The following DNER variants were observed in gnomAD, a reference collection of about 807,000 sequenced individuals.
DNER encodes delta and Notch-like epidermal growth factor-related receptor.
DNER carries 33 observed loss-of-function variants against 78.2 expected under a neutral mutation model. The observed-to-expected ratio is 0.42, with a 90% CI of 0.32 to 0.56. The LOEUF (loss-of-function observed/expected upper bound fraction) is 0.56, where lower values mean the gene tolerates loss of function less well. DNER is among the 20% of genes least tolerant of loss of function. The pLI, the probability that DNER is intolerant of heterozygous loss-of-function variation, is 0.11. For synonymous variants in DNER, 417 were observed against 384.8 expected, an observed-to-expected ratio of 1.08 and a Z score of -0.98; for missense variants, 918 against 975.3, an observed-to-expected ratio of 0.94 and a Z score of 0.78.
At chr2:229,403,365 AT>A (rs1472636266) in intron 10 of DNER, among the ~76,000 whole-genome samples, 1 of 152,226 alleles carries the variant, frequency 6.6e-6, no homozygotes, top group Non-Finnish European at 1.5e-5. Context: ...GATCAAATAG[AT>A]TTGAAAGATA....
At chr2:229,430,687 A>ATATAT in intron 8 of DNER, among the ~76,000 whole-genome samples, 1 of 144,642 alleles carries the variant, frequency 6.9e-6, no homozygotes, top group South Asian at 2.2e-4. Flanking sequence ...ATACTTAGTA[A>ATATAT]ATATATATAT....
intron 1 of DNER, among the ~76,000 whole-genome samples, chr2:229,664,753 C>A (rs749274743): frequency 6.6e-6 from 1 of 152,094 alleles, no homozygotes; most frequent in Non-Finnish European, 1.5e-5. Context: ...CATTGCTTTC[C>A]TTCAAAAAAG....
chr2:229,429,859 A>T (rs1393696445), intron 8 of DNER, among the ~76,000 whole-genome samples: 1 of 152,134 alleles, frequency 6.6e-6, no homozygotes, highest in African/African-American at 2.4e-5. Context: ...CCATCCCCTG[A>T]GATTAACCTC....
chr2:229,586,642 A>T, intron 3 of DNER: 2 of 982,736 alleles, frequency 2.0e-6, no homozygotes, highest in Non-Finnish European at 2.4e-6. Flanking sequence ...TTTTCTCCTC[A>T]CAGCCCAATG....
intron 11 of DNER, among the ~76,000 whole-genome samples, chr2:229,384,124 C>G (rs1692808203): frequency 1.3e-5 from 2 of 152,188 alleles, no homozygotes; most frequent in South Asian, 4.1e-4. Context: ...AACTGCACAA[C>G]TACATGGAAA....
chr2:229,697,897 T>C (rs1699686332), intron 1 of DNER, among the ~76,000 whole-genome samples: 1 of 152,040 alleles, frequency 6.6e-6, no homozygotes, highest in African/African-American at 2.4e-5. Context: ...CATGTAGAAG[T>C]AGAAGAGCAG....
At chr2:229,441,634 A>G (rs1694236879) in intron 8 of DNER, among the ~76,000 whole-genome samples, 1 of 152,214 alleles carries the variant, frequency 6.6e-6, no homozygotes, top group Non-Finnish European at 1.5e-5. Flanking sequence ...GTCACTCTAC[A>G]TATGTGACAC....
intron 5 of DNER, among the ~76,000 whole-genome samples, chr2:229,546,506 C>T (rs531655434): frequency 2.6e-5 from 4 of 152,298 alleles, no homozygotes; most frequent in South Asian, 2.1e-4. Context: ...GAGGCCAAGG[C>T]GGGGGGATGG....
At chr2:229,603,833 A>T (rs1697880418) in intron 1 of DNER, among the ~76,000 whole-genome samples, 1 of 152,052 alleles carries the variant, frequency 6.6e-6, no homozygotes, top group Non-Finnish European at 1.5e-5. Context: ...TAAAACACCT[A>T]CCATATACAC....
At chr2:229,480,242 C>T (rs555687938) in intron 6 of DNER, among the ~76,000 whole-genome samples, 30 of 152,248 alleles carry the variant, frequency 2.0e-4, no homozygotes, top group African/African-American at 6.0e-4. Context: ...GCATTTTGTC[C>T]GTTTAATTTC....
At position 229,643,679 on chromosome 2, in the gene DNER, T is replaced by C. The variant is rs114256062; in HGVS notation, c.277-51791A>G. ...CTGGTAGAGTTGCCAGGATTAAGTT[T>C]AAATCCGTGGAAAGTGCCTAACAGC... On this transcript the variant is annotated intron_variant, in intron 1 of 12. Transcript: ENST00000341772. Among the ~76,000 whole-genome samples, 459 of 152,326 alleles carry C rather than the reference T, an allele frequency of 3.0e-3. 1 individual carries two copies. The highest frequency in any genetic ancestry group is 5.3e-3 in the Non-Finnish European group (362 of 68,028).
intron 4 of DNER, among the ~76,000 whole-genome samples, chr2:229,564,799 A>G (rs912038591): frequency 3.9e-5 from 6 of 152,174 alleles, no homozygotes; most frequent in African/African-American, 1.4e-4. Flanking sequence ...TGGCTTATTG[A>G]GTTTGGTGGC....
chr2:229,656,139 A>C (rs1335086637), intron 1 of DNER, among the ~76,000 whole-genome samples: 1 of 152,164 alleles, frequency 6.6e-6, no homozygotes, highest in East Asian at 1.9e-4. Context: ...GGAAATTAAT[A>C]CAGGCACCTG....
intron 1 of DNER, among the ~76,000 whole-genome samples, chr2:229,645,270 G>A (rs940509521): frequency 1.3e-5 from 2 of 152,182 alleles, no homozygotes; most frequent in African/African-American, 4.8e-5. Context: ...GCCTTCCAAA[G>A]TGCTGGGATT....
In DNER at chr2:229,440,205, C is replaced by G. The variant is rs190024894; in HGVS notation, c.1486+7111G>C. On this transcript the variant is annotated intron_variant, in intron 8 of 12. Coordinates refer to ENST00000341772, the MANE Select transcript of DNER (RefSeq NM_139072.4). ...TTGTATTAATTTCTCAGGTCAGAAG[C>G]CTAAAGAAGGCAAATATCACGAATT... Among the ~76,000 whole-genome samples, 584 of 152,316 alleles carry G rather than the reference C, an allele frequency of 3.8e-3. 2 individuals are homozygous for G. Among genetic ancestry groups the G allele is most frequent in the Non-Finnish European group, 6.5e-3 (439 of 68,038 alleles).
intron 4 of DNER, among the ~76,000 whole-genome samples, chr2:229,556,371 G>A (rs1420880345): frequency 6.6e-6 from 1 of 152,158 alleles, no homozygotes; most frequent in East Asian, 1.9e-4. Flanking sequence ...GTATATCCAG[G>A]CTCCAAAATA....
chr2:229,653,570 C>T (rs2154216348), intron 1 of DNER, among the ~76,000 whole-genome samples: 1 of 148,534 alleles, frequency 6.7e-6, no homozygotes, highest in South Asian at 2.2e-4. Context: ...AGCTAGCACC[C>T]CCTGCCCAAC....
chr2:229,529,941 C>T (rs1696271738), intron 5 of DNER, among the ~76,000 whole-genome samples: 1 of 151,930 alleles, frequency 6.6e-6, no homozygotes, highest in Non-Finnish European at 1.5e-5. Flanking sequence ...TCTGAGAGGT[C>T]AGGGCTGCAG....
chr2:229,387,544 A>AAAGAAAGG (rs1692910711), intron 11 of DNER, among the ~76,000 whole-genome samples: 1 of 150,758 alleles, frequency 6.6e-6, no homozygotes, highest in Non-Finnish European at 1.5e-5. Context: ...AGAAAGAAAG[A>AAAGAAAGG]AAGAAAGAAA....
Sources: allele counts gnomAD v4.1 joint callset (sites outside exome capture counted in the v4.1 genomes callset), GRCh38; gene constraint gnomAD v4.1.1; transcripts MANE v1.5; gene names NCBI Gene and HGNC (gene_info 2026-07-23, HGNC 2026-07-21).